FCHO2: variants seen among roughly 807,000 people sequenced by gnomAD.
FCHO2 encodes the protein FCH and mu domain containing endocytic adaptor 2.
Under a neutral mutation model 114.1 loss-of-function variants are expected in FCHO2, and 43 were observed. The ratio of observed to expected loss-of-function variants is 0.38; its 90% CI spans 0.30 to 0.49. FCHO2 has a LOEUF of 0.49. Among genes scored for constraint, FCHO2 ranks in the 20% least tolerant of loss-of-function variants. The probability of loss-of-function intolerance (pLI) is 0.97; values close to 1 mark genes in which losing one functional copy is unlikely to be tolerated. For missense variants in FCHO2, 807 were observed against 950.4 expected (o/e 0.85, Z 1.98); for synonymous variants, 293 against 315.2 (o/e 0.93, Z 0.75).
At chr5:72,999,670 C>T (rs1388983419) in intron 5 of FCHO2, among the ~76,000 whole-genome samples, 4 of 152,106 alleles carry the variant, frequency 2.6e-5, no homozygotes. Flanking sequence ...GTGTGAGCCA[C>T]CACACCCAAC....
intron 6 of FCHO2, among the ~76,000 whole-genome samples, chr5:73,008,418 T>A: frequency 6.6e-6 from 1 of 152,134 alleles, no homozygotes; most frequent in East Asian, 1.9e-4. Flanking sequence ...GTTGAGGAAT[T>A]CTTCGGAAGA....
chr5:72,976,010 C>T (rs1752848164), intron 2 of FCHO2, among the ~76,000 whole-genome samples: 1 of 152,138 alleles, frequency 6.6e-6, no homozygotes, highest in Admixed American at 6.5e-5. Flanking sequence ...AACGCAGTTA[C>T]TTGATTATAT....
rs60415947 is a variant in FCHO2 at position 72,999,277 on chromosome 5, T to A, written c.496-7168T>A. Among the ~76,000 whole-genome samples the A allele has an allele frequency of 5.6e-3, 859 of 152,128 alleles. 7 individuals carry two copies. The highest frequency in any genetic ancestry group is 0.019 in the African/African-American group (787 of 41,508). ...TATTAACAAGAATGTAGATTTTTTT[T>A]AAAAGTCATAGATCTTTGAATAATT... is the stretch of plus-strand genomic sequence containing the variant. On this transcript the variant is annotated intron_variant, in intron 5 of 25. Coordinates refer to ENST00000430046, the MANE Select transcript of FCHO2 (RefSeq NM_138782.3).
rs1454436116 is a variant in FCHO2 at position 73,088,680 on chromosome 5, A to G, written c.*590A>G. 3 of 152,622 alleles carry G rather than the reference A, an allele frequency of 2.0e-5. No individual in the cohort carries two copies. The highest frequency in any genetic ancestry group is 7.2e-5 in the African/African-American group (3 of 41,460). The allele number at this position is 152,622 out of a possible 1,614,324, so 9.5% of individuals were successfully genotyped here. A position where few individuals can be genotyped will look rare whatever the true frequency, so the allele number is the denominator to read the frequency against. On this transcript the variant is annotated 3_prime_UTR_variant, in exon 26 of 26. Transcript: ENST00000430046. Reference sequence around the variant, plus strand: ...ATTAATAAAGTATAAGTGATGTTTTATATGATTTTTAAAAAAAATTCTCAA... The same window carrying G: ...ATTAATAAAGTATAAGTGATGTTTTGTATGATTTTTAAAAAAAATTCTCAA...
chr5:73,014,445 C>T (rs895684413), intron 6 of FCHO2, among the ~76,000 whole-genome samples: 1 of 151,648 alleles, frequency 6.6e-6, no homozygotes, highest in South Asian at 2.1e-4. Flanking sequence ...CGCGCCACCA[C>T]GCCTGGCTAA....
At position 72,976,625 on chromosome 5, in the gene FCHO2, T is replaced by A. The variant is rs187429087; in HGVS notation, c.125+8036T>A. Among the ~76,000 whole-genome samples the A allele has an allele frequency of 3.8e-3, 576 of 152,270 alleles. 1 individual carries two copies. Among genetic ancestry groups the A allele is most frequent in the African/African-American group, 0.011 (473 of 41,548 alleles). On this transcript the variant is annotated intron_variant, in intron 2 of 25. Coordinates refer to ENST00000430046, the MANE Select transcript of FCHO2 (RefSeq NM_138782.3). ...TTGTTTGTGTTCTTACTATTTTTTT[T>A]AAAATTTTTTTATTATACTTTAAGC...
intron 2 of FCHO2, among the ~76,000 whole-genome samples, chr5:72,983,490 AATAGTTGGGACTAT>A (rs1753342388): frequency 6.6e-6 from 1 of 151,414 alleles, no homozygotes; most frequent in African/African-American, 2.4e-5. Context: ...CAGCCTACTG[AATAGTTGGGACTAT>A]ACATATGTGG....
chr5:72,974,955 A>G (rs143100422), intron 2 of FCHO2, among the ~76,000 whole-genome samples: 2,621 of 152,058 alleles, frequency 0.017, 73 homozygotes, highest in South Asian at 0.054. Flanking sequence ...TTTCTCCTTC[A>G]CTTATGAAGC....
chr5:73,036,125 C>A (rs771430631), intron 9 of FCHO2, among the ~76,000 whole-genome samples: 2 of 152,010 alleles, frequency 1.3e-5, no homozygotes, highest in Non-Finnish European at 2.9e-5. Flanking sequence ...GGATTATAGG[C>A]GAGATCCACC....
At position 72,986,240 on chromosome 5, in the gene FCHO2, ATT is replaced by A. The variant is rs35608729; in HGVS notation, c.126-3178_126-3177del. 3.3e-5 allele frequency among the ~76,000 whole-genome samples: 5 copies of A among 150,604 alleles called. No individual in the cohort carries two copies. The East Asian group carries it at 5.9e-4, about 18-fold the overall frequency. ...TGTATTTTCTAGATCTGTAATTTGC[ATT>A]TTTTTTTTCTTTTTTGCAAATTTGG... On this transcript the variant is annotated intron_variant, in intron 2 of 25. Transcript: ENST00000430046.
intron 19 of FCHO2, among the ~76,000 whole-genome samples, chr5:73,070,563 AG>A (rs1261185063): frequency 3.6e-4 from 51 of 142,604 alleles, no homozygotes; most frequent in African/African-American, 1.3e-3. Flanking sequence ...TTTTCGCTTT[AG>A]GTTTTTTTTT....
chr5:73,014,763 G>A (rs113193962), intron 6 of FCHO2, among the ~76,000 whole-genome samples: 2,514 of 151,624 alleles, frequency 0.017, 73 homozygotes, highest in African/African-American at 0.052. Context: ...TTCTGATCAC[G>A]ATTATAGATT....
At chr5:72,976,519 C>G (rs562647109) in intron 2 of FCHO2, among the ~76,000 whole-genome samples, 5 of 152,124 alleles carry the variant, frequency 3.3e-5, no homozygotes, top group Non-Finnish European at 5.9e-5. Context: ...TCCATCTTTT[C>G]ATATGCTTAT....
Position 73,044,838 on chromosome 5 carries a change from A to G in FCHO2, c.939+3523A>G, listed in dbSNP as rs768556334. 2.6e-4 allele frequency among the ~76,000 whole-genome samples: 40 copies of G among 152,194 alleles called. No homozygotes were observed. In the South Asian group the frequency reaches 2.9e-3, roughly 11 times the overall value. ...GAGTAAACAACTGCCTTTAAGATTG[A>G]TGGGTGAAGTTGCCTGTTCTATTCT... On this transcript the variant is annotated intron_variant, in intron 11 of 25. Coordinates refer to ENST00000430046, the MANE Select transcript of FCHO2 (RefSeq NM_138782.3).
chr5:73,082,077 A>G, intron 23 of FCHO2, 95 bp downstream of exon 23: 1 of 1,248,026 alleles, frequency 8.0e-7, no homozygotes, highest in Non-Finnish European at 1.1e-6. Context: ...TAGAAGTTTG[A>G]AAAATTTTTG....
intron 1 of FCHO2, among the ~76,000 whole-genome samples, chr5:72,958,725 G>A (rs1751693761): frequency 6.6e-6 from 1 of 152,092 alleles, no homozygotes; most frequent in African/African-American, 2.4e-5. Flanking sequence ...TCAATTTTAG[G>A]CATTAGGTTT....
rs547690618 is a variant in FCHO2, at chr5:73,033,643, T to A, written c.797-1014T>A. On this transcript the variant is annotated intron_variant, in intron 8 of 25. Transcript: ENST00000430046. ...GTTATACCAGTTACCATTAATAAATTAAAAATTATTTCACAAAAAAAGCTA... is the reference window on the plus strand; with the variant it reads ...GTTATACCAGTTACCATTAATAAATAAAAAATTATTTCACAAAAAAAGCTA... 1.1e-4 allele frequency among the ~76,000 whole-genome samples: 16 copies of A among 152,260 alleles called. No homozygotes were observed. The East Asian group carries it at 2.7e-3, about 26-fold the overall frequency.
At chr5:73,013,555 A>C (rs116764583) in intron 6 of FCHO2, among the ~76,000 whole-genome samples, 1 of 152,210 alleles carries the variant, frequency 6.6e-6, no homozygotes, top group Non-Finnish European at 1.5e-5. Flanking sequence ...GCTCTGTGAG[A>C]TATTAATAGA....
At chr5:73,027,270 G>T (rs1243559099) in intron 8 of FCHO2, among the ~76,000 whole-genome samples, 1 of 151,018 alleles carries the variant, frequency 6.6e-6, no homozygotes, top group Non-Finnish European at 1.5e-5. Context: ...CAGTCATTTT[G>T]GTAATTTTAC....
Sources: allele counts gnomAD v4.1 joint callset (sites outside exome capture counted in the v4.1 genomes callset), GRCh38; gene constraint gnomAD v4.1.1; transcripts MANE v1.5; gene names NCBI Gene and HGNC (gene_info 2026-07-23, HGNC 2026-07-21).